The following AKAP6 variants were observed in gnomAD, a reference collection of about 807,000 sequenced individuals.
The protein encoded by AKAP6 is A-kinase anchor protein 6.
In AKAP6, 58 loss-of-function variants were observed where a neutral mutation model predicts 188.5. That is an observed-to-expected ratio of 0.31 (90% CI 0.25 to 0.38). The LOEUF is 0.38. Ranked by LOEUF, AKAP6 falls within the 10% of genes least tolerant of loss-of-function variation. The pLI is 1.00. For synonymous variants in AKAP6, 989 were observed against 998.6 expected, an observed-to-expected ratio of 0.99 and a Z score of 0.18; for missense variants, 2,710 against 2,740.0, an observed-to-expected ratio of 0.99 and a Z score of 0.24.
intron 2 of AKAP6, among the ~76,000 whole-genome samples, chr14:32,435,869 G>C (rs983918186): frequency 6.6e-6 from 1 of 152,124 alleles, no homozygotes; most frequent in South Asian, 2.1e-4. Flanking sequence ...TGGTTATATC[G>C]CTTAATCTAC....
intron 9 of AKAP6, among the ~76,000 whole-genome samples, chr14:32,699,786 G>T (rs1451601759): frequency 2.0e-5 from 3 of 152,218 alleles, no homozygotes; most frequent in Middle Eastern, 3.4e-3. Flanking sequence ...AGGAGAATTT[G>T]CACCCACTCT....
intron 1 of AKAP6, among the ~76,000 whole-genome samples, chr14:32,401,156 G>A (rs1318365742): frequency 1.3e-5 from 2 of 152,208 alleles, no homozygotes; most frequent in East Asian, 3.8e-4. Flanking sequence ...TAGGGGCAGA[G>A]CCAGGAGAAT....
intron 12 of AKAP6, among the ~76,000 whole-genome samples, chr14:32,781,797 T>C (rs1228879552): frequency 6.6e-6 from 1 of 152,206 alleles, no homozygotes; most frequent in Non-Finnish European, 1.5e-5. Context: ...AGGAAACCCA[T>C]TTGATTATCT....
chr14:32,648,117 T>A (rs1406742461), intron 7 of AKAP6, among the ~76,000 whole-genome samples: 2 of 152,112 alleles, frequency 1.3e-5, no homozygotes, highest in East Asian at 3.9e-4. Flanking sequence ...TTGTATGTGT[T>A]CCCATTTCTG....
intron 9 of AKAP6, among the ~76,000 whole-genome samples, chr14:32,708,406 A>AGAGAGAGAGAATGAGC (rs10673060): frequency 4.0e-5 from 6 of 151,568 alleles, no homozygotes; most frequent in Non-Finnish European, 8.8e-5. Flanking sequence ...AGAGAAAGAG[A>AGAGAGAGAGAATGAGC]GAGAGAGAGA....
At chr14:32,519,734 C>A (rs1433906782) in intron 2 of AKAP6, among the ~76,000 whole-genome samples, 2 of 152,130 alleles carry the variant, frequency 1.3e-5, no homozygotes. Flanking sequence ...TAGACTCCCA[C>A]ATAATAATAA....
At chr14:32,670,383 G>T (rs1889130153) in intron 7 of AKAP6, among the ~76,000 whole-genome samples, 1 of 152,102 alleles carries the variant, frequency 6.6e-6, no homozygotes, top group Admixed American at 6.5e-5. Flanking sequence ...AGGGTCTTGA[G>T]ACCTGAAGGT....
At chr14:32,438,230 C>G (rs1199916362) in intron 2 of AKAP6, among the ~76,000 whole-genome samples, 1 of 152,174 alleles carries the variant, frequency 6.6e-6, no homozygotes, top group East Asian at 1.9e-4. Context: ...GTTCAGAAAT[C>G]TGGGGGATCT....
intron 2 of AKAP6, among the ~76,000 whole-genome samples, chr14:32,444,867 T>C (rs1221102920): frequency 2.6e-5 from 4 of 152,164 alleles, no homozygotes; most frequent in Admixed American, 6.5e-5. Context: ...AAAGGGAAAA[T>C]GGAATCTATT....
At chr14:32,668,461 G>A (rs942521506) in intron 7 of AKAP6, among the ~76,000 whole-genome samples, 2 of 151,964 alleles carry the variant, frequency 1.3e-5, no homozygotes, top group African/African-American at 4.8e-5. Flanking sequence ...TAATGGAAAT[G>A]GTGTTAATGT....
chr14:32,568,659 C>T lies in AKAP6; in HGVS notation c.2347-8461C>T, dbSNP rs1357248850. 6.6e-6 allele frequency among the ~76,000 whole-genome samples: 1 copy of T among 152,130 alleles called. No homozygotes were observed. The highest frequency in any genetic ancestry group is 2.4e-5 in the African/African-American group (1 of 41,428). On this transcript the variant is annotated intron_variant, in intron 4 of 13. Transcript: ENST00000280979. This position sits in a 1 kb window ranked among gnomAD's most constrained non-coding sequence, Gnocchi z 6.2. ...TCTGCCAAGCTTTGGGGCAGTCATACTACCTGAATGAGGGGTCCCCAGCTT... is the reference window on the plus strand; with the variant it reads ...TCTGCCAAGCTTTGGGGCAGTCATATTACCTGAATGAGGGGTCCCCAGCTT...
At chr14:32,682,995 C>CTTTTTTTTTTTTTGTTTTTGG (rs71115090) in intron 8 of AKAP6, among the ~76,000 whole-genome samples, 1 of 142,258 alleles carries the variant, frequency 7.0e-6, no homozygotes, top group Non-Finnish European at 1.5e-5. Context: ...TTTTTTCTTC[C>CTTTTTTTTTTTTTGTTTTTGG]TTTTTTTTTT....
At chr14:32,501,937 G>A (rs1040379196) in intron 2 of AKAP6, among the ~76,000 whole-genome samples, 11 of 151,916 alleles carry the variant, frequency 7.2e-5, no homozygotes, top group Non-Finnish European at 1.3e-4. Flanking sequence ...AATGATAAGC[G>A]CCCAGTATAA....
intron 13 of AKAP6, among the ~76,000 whole-genome samples, chr14:32,828,551 A>G (rs1003386507): frequency 6.6e-6 from 1 of 151,216 alleles, no homozygotes; most frequent in Non-Finnish European, 1.5e-5. Context: ...ACACACACAC[A>G]CACACACACA....
At chr14:32,596,485 A>G (rs1028413785) in intron 5 of AKAP6, among the ~76,000 whole-genome samples, 1 of 152,270 alleles carries the variant, frequency 6.6e-6, no homozygotes, top group Admixed American at 6.5e-5. Context: ...TTCAGTCATC[A>G]TGTTTTTCCA....
At chr14:32,346,197 T>A (rs954748748) in intron 1 of AKAP6, among the ~76,000 whole-genome samples, 7 of 152,144 alleles carry the variant, frequency 4.6e-5, no homozygotes, top group Non-Finnish European at 1.0e-4. Context: ...CATGATGCAG[T>A]GAGTGTGCAT....
intron 9 of AKAP6, among the ~76,000 whole-genome samples, chr14:32,717,489 T>A (rs988060193): frequency 1.3e-5 from 2 of 152,082 alleles, no homozygotes; most frequent in African/African-American, 4.8e-5. Flanking sequence ...TGGTGAAACC[T>A]TTGTAACTTC....
At chr14:32,477,044 G>C (rs1163479162) in intron 2 of AKAP6, among the ~76,000 whole-genome samples, 1 of 152,154 alleles carries the variant, frequency 6.6e-6, no homozygotes, top group Admixed American at 6.5e-5. Context: ...CAGCAGAAAA[G>C]AAAGTTAGCT....
At chr14:32,469,137 C>T (rs920720398) in intron 2 of AKAP6, among the ~76,000 whole-genome samples, 10 of 152,138 alleles carry the variant, frequency 6.6e-5, no homozygotes, top group African/African-American at 2.4e-4. Context: ...TTTTCCTGTC[C>T]TGCCACTAGA....
Sources: allele counts gnomAD v4.1 joint callset (sites outside exome capture counted in the v4.1 genomes callset), GRCh38; gene constraint gnomAD v4.1.1; non-coding constraint Gnocchi (gnomAD v3.1); transcripts MANE v1.5; gene names NCBI Gene and HGNC (gene_info 2026-07-23, HGNC 2026-07-21).